TRAM1: variants seen among roughly 807,000 people sequenced by gnomAD.
TRAM1 encodes translocating chain-associated membrane protein 1.
Under a neutral mutation model 48.7 loss-of-function variants are expected in TRAM1, and 17 were observed. The observed-to-expected ratio is 0.35, with a 90% CI of 0.24 to 0.52. The LOEUF (loss-of-function observed/expected upper bound fraction) is 0.52. Ranked by LOEUF, TRAM1 falls within the 20% of genes least tolerant of loss-of-function variation. The probability of loss-of-function intolerance (pLI) is 0.94; values close to 1 mark genes in which losing one functional copy is unlikely to be tolerated. For missense variants in TRAM1, 351 were observed against 441.5 expected (o/e 0.79, Z 1.84); for synonymous variants, 182 against 154.0 (o/e 1.18, Z -1.34).
At chr8:70,595,515 T>C (rs560470639) in intron 5 of TRAM1, among the ~76,000 whole-genome samples, 2 of 152,262 alleles carry the variant, frequency 1.3e-5, no homozygotes, top group South Asian at 2.1e-4. Flanking sequence ...CTAAATACTG[T>C]GTAGGTGACA....
intron 6 of TRAM1, among the ~76,000 whole-genome samples, chr8:70,593,241 G>A (rs1817406059): frequency 6.6e-6 from 1 of 151,944 alleles, no homozygotes; most frequent in Non-Finnish European, 1.5e-5. Flanking sequence ...CAGATACACA[G>A]AACACAGACA....
At chr8:70,579,584 T>G (rs1404228898) in intron 10 of TRAM1, among the ~76,000 whole-genome samples, 1 of 152,218 alleles carries the variant, frequency 6.6e-6, no homozygotes, top group Non-Finnish European at 1.5e-5. Context: ...ATAGTCAATG[T>G]AGTCAATGCA....
chr8:70,588,919 C>A (rs1817287609), intron 6 of TRAM1, among the ~76,000 whole-genome samples: 1 of 152,218 alleles, frequency 6.6e-6, no homozygotes, highest in Non-Finnish European at 1.5e-5. Flanking sequence ...TGGTGGGTTG[C>A]TGCTGGCAGG....
At chr8:70,600,901 A>G (rs1254654251) in intron 1 of TRAM1, among the ~76,000 whole-genome samples, 1 of 152,170 alleles carries the variant, frequency 6.6e-6, no homozygotes. Flanking sequence ...CAGATAGAAG[A>G]AACAGAGCGT....
At chr8:70,607,086 C>T (rs1014816671) in intron 1 of TRAM1, 39 of 945,736 alleles carry the variant, frequency 4.1e-5, no homozygotes, top group Non-Finnish European at 4.9e-5. Context: ...TGTATATTTA[C>T]TGAGACATAA....
chr8:70,594,500 G>A lies in TRAM1; in HGVS notation c.570+6C>T. The stretch of plus-strand genomic sequence containing the variant: ...CATTTTTTAACACTACAAAATCCCA[G>A]CTTACTTTTTTGGTTTTCTGGAAGT... On this transcript the variant is annotated splice_donor_region_variant and intron_variant, in intron 6 of 10. Transcript: ENST00000262213. 21 of 1,584,392 alleles carry A rather than the reference G, an allele frequency of 1.3e-5. No individual in the cohort carries two copies. Among genetic ancestry groups the A allele is most frequent in the Non-Finnish European group, 1.8e-5 (21 of 1,169,090 alleles).
chr8:70,575,534 G>A (rs1465606141), intron 10 of TRAM1, among the ~76,000 whole-genome samples: 1 of 152,004 alleles, frequency 6.6e-6, no homozygotes, highest in Admixed American at 6.6e-5. Context: ...TGCTCCCGGG[G>A]ACCTCAGCCT....
rs529166871 is a variant in TRAM1, at chr8:70,581,235, T to C, written c.1051+1929A>G. Among the ~76,000 whole-genome samples the C allele has an allele frequency of 1.6e-4, 24 of 152,230 alleles. 1 individual carries two copies. In the South Asian group the frequency reaches 3.9e-3, roughly 25 times the overall value. ...ATCCCGTCACTTAAATAAAAACTCA[T>C]ATGGAAATGTAAGAAACCCAGAATA... On this transcript the variant is annotated intron_variant, in intron 10 of 10. Coordinates refer to ENST00000262213, the MANE Select transcript of TRAM1 (RefSeq NM_014294.6).
At chr8:70,604,476 G>A (rs1215591751) in intron 1 of TRAM1, among the ~76,000 whole-genome samples, 1 of 152,154 alleles carries the variant, frequency 6.6e-6, no homozygotes, top group Non-Finnish European at 1.5e-5. Flanking sequence ...TTGAGCCCAG[G>A]AGGTCAAGTT....
At position 70,598,273 on chromosome 8, in the gene TRAM1, C is replaced by T. The variant is rs1817533989; in HGVS notation, c.188-18G>A. ...TTGTTCTTCTGAAGACCAAAAAGGA[C>T]ACAAATACACAAAAATATACACAAG... On this transcript the variant is annotated intron_variant, in intron 2 of 10. Transcript: ENST00000262213. 1 of 1,593,364 alleles carries T rather than the reference C, an allele frequency of 6.3e-7. No individual in the cohort carries two copies. The highest frequency in any genetic ancestry group is 1.8e-5 in the Admixed American group (1 of 57,132).
At chr8:70,583,402 T>C (rs1270882219) in intron 9 of TRAM1, 78 bp from the exon 10 acceptor site, 3 of 1,454,988 alleles carry the variant, frequency 2.1e-6, no homozygotes, top group Non-Finnish European at 2.8e-6. Flanking sequence ...TTTCATAGTA[T>C]TTAGTAATAA....
At chr8:70,588,393 C>T (rs1049804547) in intron 6 of TRAM1, among the ~76,000 whole-genome samples, 2 of 152,028 alleles carry the variant, frequency 1.3e-5, no homozygotes, top group African/African-American at 4.8e-5. Context: ...TGAGTCTAGC[C>T]TGGGCAACAG....
intron 10 of TRAM1, among the ~76,000 whole-genome samples, chr8:70,580,200 T>C (rs1015391730): frequency 6.6e-6 from 1 of 152,198 alleles, no homozygotes; most frequent in East Asian, 1.9e-4. Flanking sequence ...CCCCAGTTCA[T>C]TCTATGAAGC....
chr8:70,576,086 A>C (rs1432119642), intron 10 of TRAM1, among the ~76,000 whole-genome samples: 3 of 136,864 alleles, frequency 2.2e-5, no homozygotes, highest in East Asian at 2.0e-4. Flanking sequence ...AAAAGAAAAA[A>C]AAAAAAAAAC....
chr8:70,589,059 G>C (rs544889224), intron 6 of TRAM1, among the ~76,000 whole-genome samples: 1 of 152,302 alleles, frequency 6.6e-6, no homozygotes, highest in East Asian at 1.9e-4. Context: ...CTTTTGAGGA[G>C]TAGAGATTTT....
At chr8:70,582,056 T>C (rs969633213) in intron 10 of TRAM1, among the ~76,000 whole-genome samples, 5 of 152,296 alleles carry the variant, frequency 3.3e-5, no homozygotes, top group Non-Finnish European at 7.3e-5. Flanking sequence ...TTTGTGAACA[T>C]ACATTAAAAA....
chr8:70,598,813 C>G (rs887173686), intron 2 of TRAM1, among the ~76,000 whole-genome samples: 3 of 152,146 alleles, frequency 2.0e-5, no homozygotes, highest in Admixed American at 6.5e-5. Context: ...GAATTGCTGA[C>G]ACTTATTCTC....
At chr8:70,607,402 T>A (rs1255433850) in intron 1 of TRAM1, 1 of 985,364 alleles carries the variant, frequency 1.0e-6, no homozygotes, top group African/African-American at 1.7e-5. Context: ...GTTCGTTAAC[T>A]GGTAATAATA....
rs961306248 is a variant in TRAM1 at position 70,574,263 on chromosome 8, A to G, written c.*669T>C. The G allele has an allele frequency of 7.3e-6, 3 of 412,800 alleles. No individual in the cohort carries two copies. Among genetic ancestry groups the G allele is most frequent in the African/African-American group, 2.1e-5 (1 of 47,078 alleles). 25.6% of individuals were successfully genotyped at this position (412,800 alleles called of 1,614,324 possible). A position where few individuals can be genotyped will look rare whatever the true frequency, so the allele number is the denominator to read the frequency against. Reference sequence around the variant, plus strand: ...ATTGAAAATGCACAAGAAAGATTTTACTTCACAAGTACTTTTAAGAATATA... The same window carrying G: ...ATTGAAAATGCACAAGAAAGATTTTGCTTCACAAGTACTTTTAAGAATATA... On this transcript the variant is annotated 3_prime_UTR_variant, in exon 11 of 11. Coordinates refer to ENST00000262213, the MANE Select transcript of TRAM1 (RefSeq NM_014294.6).
Sources: gnomAD v4.1 joint callset for allele counts (sites outside exome capture counted in the v4.1 genomes callset) on GRCh38, gnomAD v4.1.1 for gene constraint, MANE v1.5 for transcripts, NCBI Gene and HGNC (gene_info 2026-07-23, HGNC 2026-07-21) for gene names.